The following IGF2BP3 variants were observed in gnomAD, a reference collection of about 807,000 sequenced individuals.
The protein encoded by IGF2BP3 is insulin-like growth factor 2 mRNA-binding protein 3.
IGF2BP3 carries 9 observed loss-of-function variants against 73.8 expected under a neutral mutation model. That is an observed-to-expected ratio of 0.12 (90% CI 0.07 to 0.21). The LOEUF (loss-of-function observed/expected upper bound fraction) is 0.21, where lower values mean the gene tolerates loss of function less well. Ranked by LOEUF, IGF2BP3 falls within the 10% of genes least tolerant of loss-of-function variation. IGF2BP3 has a pLI of 1.00. For synonymous variants in IGF2BP3, 258 were observed against 256.7 expected (o/e 1.01, Z -0.05); for missense variants, 542 against 714.0 (o/e 0.76, Z 2.75).
chr7:23,438,924 C>T (rs144978374), intron 2 of IGF2BP3, among the ~76,000 whole-genome samples: 56 of 152,204 alleles, frequency 3.7e-4, no homozygotes, highest in Middle Eastern at 3.4e-3. Flanking sequence ...AAAAATGTTA[C>T]ATATTTTTCA....
At chr7:23,399,014 G>C (rs1464386976) in intron 3 of IGF2BP3, among the ~76,000 whole-genome samples, 1 of 152,142 alleles carries the variant, frequency 6.6e-6, no homozygotes, top group Admixed American at 6.5e-5. Context: ...TATTGCCTAC[G>C]TTTTCTTCTA....
Position 23,372,645 on chromosome 7 carries a change from C to T in IGF2BP3, c.286-10904G>A, listed in dbSNP as rs59090514. Among the ~76,000 whole-genome samples, 511 of 152,222 alleles carry T rather than the reference C, an allele frequency of 3.4e-3. 3 individuals carry two copies. The highest frequency in any genetic ancestry group is 0.012 in the African/African-American group (491 of 41,528). ...AACTAGACTGATTTTAAAAGCCGAG[C>T]AGAACAAGTCACACCCTACTATAAA... On this transcript the variant is annotated intron_variant, in intron 3 of 14. Coordinates refer to ENST00000258729, the MANE Select transcript of IGF2BP3 (RefSeq NM_006547.3).
chr7:23,350,889 G>A (rs951495997), intron 6 of IGF2BP3, among the ~76,000 whole-genome samples: 3 of 152,096 alleles, frequency 2.0e-5, no homozygotes, highest in African/African-American at 2.4e-5. Flanking sequence ...TTCTTTATTC[G>A]AGTAAGGCAA....
At chr7:23,415,913 G>A (rs1787177053) in intron 3 of IGF2BP3, among the ~76,000 whole-genome samples, 2 of 152,212 alleles carry the variant, frequency 1.3e-5, no homozygotes. Flanking sequence ...GGATCTCACT[G>A]AGACAAGCAC....
In IGF2BP3 at chr7:23,439,554, CAAA is replaced by C. The variant is rs11332929; in HGVS notation, c.237-20733_237-20731del. ...CCTGGGAGACAACGAGACTCCGTCT[CAAA>C]AAAAAAAAAAAAAAAAAAAAGACAT... On this transcript the variant is annotated intron_variant, in intron 2 of 14. Transcript: ENST00000258729. Among the ~76,000 whole-genome samples, 297 of 56,694 alleles carry C rather than the reference CAAA, an allele frequency of 5.2e-3. 2 individuals carry two copies. The highest frequency in any genetic ancestry group is 0.018 in the African/African-American group (284 of 15,486). 37.2% of individuals were successfully genotyped at this position (56,694 alleles called of 152,430 possible). A position where few individuals can be genotyped will look rare whatever the true frequency, so the allele number is the denominator to read the frequency against.
intron 9 of IGF2BP3, among the ~76,000 whole-genome samples, chr7:23,343,281 T>C (rs78493949): frequency 1.3e-5 from 2 of 152,346 alleles, no homozygotes; most frequent in East Asian, 3.9e-4. Context: ...TAGGCAGTAG[T>C]CCCATTTTAC....
Position 23,470,090 on chromosome 7 carries a change from T to C in IGF2BP3, c.21A>G (p.Gly7=), listed in dbSNP as rs773754042. ...AGGGGGCGGCGTTCTCGCTGAGGTT[T>C]CCGATATACAGTTTGTTCATTGTGA... is the stretch of plus-strand genomic sequence containing the variant. MNKLYI[G]NLSENAAPSD... The change falls in exon 1 of 15, where the codon GGA becomes GGG. Residue 7 remains glycine (G), a synonymous_variant. Coordinates refer to ENST00000258729, the MANE Select transcript of IGF2BP3 (RefSeq NM_006547.3). 6.2e-7 allele frequency: 1 copy of C among 1,608,456 alleles called. No homozygotes were observed. The highest frequency in any genetic ancestry group is 1.1e-5 in the South Asian group (1 of 90,426).
chr7:23,413,784 G>A (rs1028024352), intron 3 of IGF2BP3: 2 of 152,152 alleles, frequency 1.3e-5, no homozygotes, highest in African/African-American at 4.8e-5. Context: ...AGGCAAAACA[G>A]GATGGATGAG....
At position 23,312,262 on chromosome 7, in the gene IGF2BP3, G is replaced by A. The variant is rs921402333; in HGVS notation, c.*100C>T. 169 of 864,516 alleles carry A rather than the reference G, an allele frequency of 2.0e-4. No homozygotes were observed. Among genetic ancestry groups the A allele is most frequent in the Non-Finnish European group, 3.1e-4 (160 of 520,760 alleles). The allele number at this position is 864,516 out of a possible 1,614,324, so 53.6% of individuals were successfully genotyped here. A position where few individuals can be genotyped will look rare whatever the true frequency, so the allele number is the denominator to read the frequency against. On this transcript the variant is annotated 3_prime_UTR_variant, in exon 15 of 15. Transcript: ENST00000258729. Reference sequence around the variant, plus strand: ...GAAACAACTGGCTAGGTAAAAACTTGTGCATGTGATTCTGGATAGGGGGTC... The same window carrying A: ...GAAACAACTGGCTAGGTAAAAACTTATGCATGTGATTCTGGATAGGGGGTC...
intron 2 of IGF2BP3, among the ~76,000 whole-genome samples, chr7:23,464,620 G>A (rs1482254518): frequency 6.6e-6 from 1 of 151,760 alleles, no homozygotes. Flanking sequence ...GGAGGCAGAG[G>A]TTGCAGTGAG....
At chr7:23,368,339 GAAAAA>G in intron 3 of IGF2BP3, among the ~76,000 whole-genome samples, 1 of 120,678 alleles carries the variant, frequency 8.3e-6, no homozygotes, top group African/African-American at 3.2e-5. Context: ...AAGAAAGAAA[GAAAAA>G]AAGAAAGAAA....
chr7:23,429,461 G>C (rs1348387335), intron 2 of IGF2BP3, among the ~76,000 whole-genome samples: 1 of 152,148 alleles, frequency 6.6e-6, no homozygotes, highest in Non-Finnish European at 1.5e-5. Flanking sequence ...TCTGGCCACA[G>C]ATTCTATCCT....
intron 10 of IGF2BP3, among the ~76,000 whole-genome samples, chr7:23,321,221 T>C (rs1004587408): frequency 1.3e-5 from 2 of 152,286 alleles, no homozygotes; most frequent in South Asian, 2.1e-4. Context: ...GCATGCACCA[T>C]GGGTGAGCCG....
chr7:23,327,218 G>A (rs997916687), intron 10 of IGF2BP3, among the ~76,000 whole-genome samples: 2 of 151,264 alleles, frequency 1.3e-5, no homozygotes, highest in African/African-American at 4.9e-5. Context: ...AAGTACTCAA[G>A]TTAACCCATC....
chr7:23,354,669 T>A (rs996128862), intron 5 of IGF2BP3, among the ~76,000 whole-genome samples: 2 of 152,226 alleles, frequency 1.3e-5, no homozygotes, highest in African/African-American at 2.4e-5. Flanking sequence ...TAACTTTTAT[T>A]GTGCTGCTTT....
At position 23,361,830 on chromosome 7, in the gene IGF2BP3, TG is replaced by T. The variant is rs1320670530; in HGVS notation, c.286-90del. On this transcript the variant is annotated intron_variant, in intron 3 of 14. Coordinates refer to ENST00000258729, the MANE Select transcript of IGF2BP3 (RefSeq NM_006547.3). Reference sequence around the variant, plus strand: ...ATATGTCTTAAAATCACTAAGTAATTGTGATGGAAAAGAGCCAAAAAATTAT... The same window carrying T: ...ATATGTCTTAAAATCACTAAGTAATTTGATGGAAAAGAGCCAAAAAATTAT... 2.5e-6 allele frequency: 3 copies of T among 1,221,448 alleles called. No individual in the cohort carries two copies. The African/African-American group carries it at 4.6e-5, about 19-fold the overall frequency. 75.7% of individuals were successfully genotyped at this position (1,221,448 alleles called of 1,614,324 possible). A position where few individuals can be genotyped will look rare whatever the true frequency, so the allele number is the denominator to read the frequency against.
intron 2 of IGF2BP3, among the ~76,000 whole-genome samples, chr7:23,457,808 T>G (rs1214179019): frequency 6.6e-6 from 1 of 152,204 alleles, no homozygotes; most frequent in Non-Finnish European, 1.5e-5. Flanking sequence ...ATTTTCCACA[T>G]TTTATGTATT....
At chr7:23,312,905 A>C in intron 13 of IGF2BP3, 57 bp from the exon 14 acceptor site, 1 of 1,077,050 alleles carries the variant, frequency 9.3e-7, no homozygotes, top group South Asian at 1.4e-5. Context: ...TTACTTCCTA[A>C]GCACTTACTG....
At chr7:23,331,381 A>C (rs1489540028) in intron 10 of IGF2BP3, among the ~76,000 whole-genome samples, 6 of 152,194 alleles carry the variant, frequency 3.9e-5, no homozygotes, top group African/African-American at 1.2e-4. Context: ...ACTTTCTGAA[A>C]ATCTTTATAA....
Sources: gnomAD v4.1 joint callset for allele counts (sites outside exome capture counted in the v4.1 genomes callset) on GRCh38, gnomAD v4.1.1 for gene constraint, MANE v1.5 for transcripts, NCBI Gene and HGNC (gene_info 2026-07-23, HGNC 2026-07-21) for gene names.